The following UNC5CL variants were observed in gnomAD, a reference collection of about 807,000 sequenced individuals.
UNC5CL encodes the protein UNC5C-like protein.
A neutral mutation model predicts 54.1 loss-of-function variants in UNC5CL; 42 were observed. That is an observed-to-expected ratio of 0.78 (90% confidence interval 0.61 to 1.00). The LOEUF (loss-of-function observed/expected upper bound fraction) is 1.00. Among genes scored for constraint, UNC5CL ranks in the 50% least tolerant of loss-of-function variants. The pLI, the probability that UNC5CL is intolerant of heterozygous loss-of-function variation, is 0.00. For synonymous variants in UNC5CL, 285 were observed against 285.1 expected (o/e 1.00, Z 0.00); for missense variants, 619 against 675.6 (o/e 0.92, Z 0.93).
chr6:41,030,750 C>T lies in UNC5CL; in HGVS notation c.1125G>A (p.Leu375=). 6.2e-7 allele frequency: 1 copy of T among 1,614,002 alleles called. No individual in the cohort carries two copies. Among genetic ancestry groups the T allele is most frequent in the African/African-American group, 1.3e-5 (1 of 75,014 alleles). ...TGAGGATTTCCATATACTTGGTCTC[C>T]AAGCCCTGAGTCAACACAGGGCAGG... ...IVTMHTFQDG[L]ETKYMEILRF... The change falls in exon 7 of 9, where the codon TTG becomes TTA. Residue 375 remains leucine (L), a synonymous_variant. Transcript: ENST00000244565.
Position 41,027,343 on chromosome 6 carries a change from A to T in UNC5CL, c.*1030T>A, listed in dbSNP as rs1364502436. On this transcript the variant is annotated 3_prime_UTR_variant, in exon 9 of 9. Transcript: ENST00000244565. ...AAAGAAACACACAAAGACAGGGCAC[A>T]GAGACTAGGCAGAAACAAAAAGATC... 6.6e-6 allele frequency: 1 copy of T among 152,298 alleles called. No homozygotes were observed. The highest frequency in any genetic ancestry group is 1.5e-5 in the Non-Finnish European group (1 of 68,064). 9.4% of individuals were successfully genotyped at this position (152,298 alleles called of 1,614,324 possible).
rs963556657 is a variant in UNC5CL at position 41,034,741 on chromosome 6, C to T, written c.334G>A (p.Gly112Ser). 28 of 1,610,214 alleles carry T rather than the reference C, an allele frequency of 1.7e-5. No homozygotes were observed. The highest frequency in any genetic ancestry group is 2.3e-5 in the Non-Finnish European group (27 of 1,180,006). The change falls in exon 2 of 9, where the codon GGC (glycine) becomes AGC (serine). Residue 112 changes from glycine (G) to serine (S), a missense_variant. Transcript: ENST00000244565. ...GTATCCTGGAGCATCAGGCAACCGC[C>T]GCGGTGATCCACCTCTCGAGCCGAA... ...VFSAREVDHR[G>S]GCLMLQDTGI...
At position 41,029,060 on chromosome 6, in the gene UNC5CL, TC is replaced by T. The variant is rs1762424117; in HGVS notation, c.1335-466del. Among the ~76,000 whole-genome samples the T allele has an allele frequency of 6.6e-6, 1 of 151,922 alleles. No homozygotes were observed. The highest frequency in any genetic ancestry group is 2.4e-5 in the African/African-American group (1 of 41,348). On this transcript the variant is annotated intron_variant, in intron 8 of 8. Transcript: ENST00000244565. This position sits in a 1 kb window ranked among gnomAD's most constrained non-coding sequence, Gnocchi z 4.1. ...ATGGCTTTTTATCACGACTCTCCCGTCCACTAAAACCTTCCAGAGTCTCTCA... is the reference window on the plus strand; with the variant it reads ...ATGGCTTTTTATCACGACTCTCCCGTCACTAAAACCTTCCAGAGTCTCTCA...
At chr6:41,033,220 TGCCACCTGAGGG>T in intron 3 of UNC5CL, 74 bp from the exon 4 acceptor site, 1 of 1,529,874 alleles carries the variant, frequency 6.5e-7, no homozygotes, top group Non-Finnish European at 8.8e-7. Flanking sequence ...ACCAGCCTCC[TGCCACCTGAGGG>T]GCCTCTGTGG....
At chr6:41,032,220 A>G in intron 4 of UNC5CL, 83 bp from the exon 5 acceptor site, 3 of 1,174,170 alleles carry the variant, frequency 2.6e-6, no homozygotes, top group Non-Finnish European at 3.8e-6. Context: ...AGGCATGAGG[A>G]CAGAACAAAG....
In UNC5CL at chr6:41,033,160, C is replaced by A; in HGVS notation, c.687-14G>T. 6.2e-7 allele frequency: 1 copy of A among 1,609,450 alleles called. No homozygotes were observed. The highest frequency in any genetic ancestry group is 1.1e-5 in the South Asian group (1 of 90,564). On this transcript the variant is annotated splice_polypyrimidine_tract_variant and intron_variant, in intron 3 of 8. Coordinates refer to ENST00000244565, the MANE Select transcript of UNC5CL (RefSeq NM_173561.3). ...CAGGTGTAGAGGCTGCAGAGGGAGC[C>A]AGTGGCAGGCACTAATGTGCAGGGA...
chr6:41,032,858 A>G lies in UNC5CL; in HGVS notation c.949+26T>C, dbSNP rs1762471324. The G allele has an allele frequency of 2.6e-6, 4 of 1,567,032 alleles. No individual in the cohort carries two copies. In the South Asian group the frequency reaches 4.7e-5, roughly 19 times the overall value. ...TTCCTGTGGGGCTCCCGATCATCCT[A>G]TCCCACAGGCCACTGCCTCCCTCAC... On this transcript the variant is annotated intron_variant, in intron 4 of 8. Transcript: ENST00000244565.
In UNC5CL at chr6:41,028,926, A is replaced by C; in HGVS notation, c.1335-331T>G. Among the ~76,000 whole-genome samples the C allele has an allele frequency of 1.2e-4, 18 of 145,774 alleles. No individual in the cohort carries two copies. Among genetic ancestry groups the C allele is most frequent in the South Asian group, 4.4e-4 (2 of 4,540 alleles). ...TGTAATTGCCTTCTCTACCTCCCCC[A>C]CTCCAAATACACCCCTAGCCTCCCC... On this transcript the variant is annotated intron_variant, in intron 8 of 8. Coordinates refer to ENST00000244565, the MANE Select transcript of UNC5CL (RefSeq NM_173561.3). The surrounding 1 kb of genome is among the most constrained non-coding windows in gnomAD (Gnocchi z 4.3).
chr6:41,030,605 G>T (rs9369256), intron 7 of UNC5CL, 50 bp downstream of exon 7: 1 of 1,611,080 alleles, frequency 6.2e-7, no homozygotes, highest in South Asian at 1.1e-5. Context: ...GGGTGCCAGG[G>T]TAGGAACCCA....
Position 41,034,038 on chromosome 6 carries a change from A to G in UNC5CL, c.529T>C (p.Cys177Arg). The G allele has an allele frequency of 6.2e-7, 1 of 1,614,184 alleles. No homozygotes were observed. The highest frequency in any genetic ancestry group is 1.1e-5 in the South Asian group (1 of 91,088). Residue 177 changes from cysteine (C) to arginine (R), a missense_variant, in exon 3 of 9, where the codon TGC becomes CGC. By Grantham distance (180) the Cys-to-Arg change is radical (BLOSUM62 -3). Transcript: ENST00000244565. ...GCACAGTGTTTGAACGTGAGAGTGC[A>G]AGGCTTCAGGAAGGAGGCCCCATGG... ...GPHGASFLKP[C>R]TLTFKHCAEQ...
At position 41,032,131 on chromosome 6, in the gene UNC5CL, T is replaced by A; in HGVS notation, c.956A>T (p.Glu319Val). 6.2e-7 allele frequency: 1 copy of A among 1,614,022 alleles called. No individual in the cohort carries two copies. The highest frequency in any genetic ancestry group is 8.5e-7 in the Non-Finnish European group (1 of 1,179,974). The stretch of plus-strand genomic sequence containing the variant: ...CTGGCAACTGCTGTCATCCACATTC[T>A]CCCAACCTGGTGAGTAGGCAGACAG... Reference protein sequence around the residue: ...LKLTYISEGWENVDDSSCQLV... With the variant: ...LKLTYISEGWVNVDDSSCQLV... Residue 319 changes from glutamate to valine, a missense_variant, in exon 5 of 9, where the codon GAG (glutamate) becomes GTG (valine). Glu to Val is a moderately radical substitution (Grantham distance 121, BLOSUM62 -2). Transcript: ENST00000244565.
chr6:41,032,501 A>C (rs945142066), intron 4 of UNC5CL, among the ~76,000 whole-genome samples: 1 of 152,160 alleles, frequency 6.6e-6, no homozygotes. Flanking sequence ...GCTCACACCT[A>C]TAATCCCAAC....
chr6:41,028,204 G>T lies in UNC5CL; in HGVS notation c.*169C>A. On this transcript the variant is annotated 3_prime_UTR_variant, in exon 9 of 9. Transcript: ENST00000244565. The surrounding 1 kb of genome is among the most constrained non-coding windows in gnomAD (Gnocchi z 4.3). ...ACGCGGGACAGCTCGCGGCCGGAAG[G>T]GCGCGCCTGCTGCTGGGAGGCTGGC... The T allele has an allele frequency of 1.4e-6, 1 of 717,696 alleles. No homozygotes were observed. Among genetic ancestry groups the T allele is most frequent in the Non-Finnish European group, 2.2e-6 (1 of 455,314 alleles). The allele number at this position is 717,696 out of a possible 1,614,324, so 44.5% of individuals were successfully genotyped here.
chr6:41,028,681 C>T lies in UNC5CL; in HGVS notation c.1335-86G>A. 7.6e-7 allele frequency: 1 copy of T among 1,308,996 alleles called. No individual in the cohort carries two copies. Among genetic ancestry groups the T allele is most frequent in the South Asian group, 1.3e-5 (1 of 75,456 alleles). 81.1% of individuals were successfully genotyped at this position (1,308,996 alleles called of 1,614,324 possible). ...TGCAGGCTCCCTGGGCTGCGCAGCG[C>T]AAGGTCCGTCCCTTCCCCATCCTGT... On this transcript the variant is annotated intron_variant, in intron 8 of 8. Coordinates refer to ENST00000244565, the MANE Select transcript of UNC5CL (RefSeq NM_173561.3). The surrounding 1 kb of genome is among the most constrained non-coding windows in gnomAD (Gnocchi z 4.3).
intron 1 of UNC5CL, among the ~76,000 whole-genome samples, chr6:41,037,001 G>A (rs1258708412): frequency 1.3e-5 from 2 of 151,666 alleles, no homozygotes; most frequent in Non-Finnish European, 2.9e-5. Flanking sequence ...CCCCACACCT[G>A]CTTAATTCTA....
Position 41,033,871 on chromosome 6 carries a change from A to T in UNC5CL, c.686+10T>A. The T allele has an allele frequency of 6.2e-7, 1 of 1,610,918 alleles. No individual in the cohort carries two copies. The highest frequency in any genetic ancestry group is 8.5e-7 in the Non-Finnish European group (1 of 1,178,192). ...GGGTGTGGGAAGACAGGCCAATGGC[A>T]TGTGCCTACCTGAAGTGGGAGAGGT... On this transcript the variant is annotated intron_variant, in intron 3 of 8. Coordinates refer to ENST00000244565, the MANE Select transcript of UNC5CL (RefSeq NM_173561.3).
At position 41,028,816 on chromosome 6, in the gene UNC5CL, T is replaced by C. The variant is rs1762421077; in HGVS notation, c.1335-221A>G. Among the ~76,000 whole-genome samples, 1 of 152,132 alleles carries C rather than the reference T, an allele frequency of 6.6e-6. No homozygotes were observed. The highest frequency in any genetic ancestry group is 1.5e-5 in the Non-Finnish European group (1 of 68,008). ...TGGCTTGGAGGCCAACTCTGACCCC[T>C]ACTCCTCTCTAGGCTTCAGTTTCCT... On this transcript the variant is annotated intron_variant, in intron 8 of 8. Coordinates refer to ENST00000244565, the MANE Select transcript of UNC5CL (RefSeq NM_173561.3). This position sits in a 1 kb window ranked among gnomAD's most constrained non-coding sequence, Gnocchi z 4.3.
In UNC5CL at chr6:41,034,027, C is replaced by A. The variant is rs374115894; in HGVS notation, c.540G>T (p.Thr180=). Residue 180 remains threonine, a synonymous_variant, in exon 3 of 9, where the codon ACG becomes ACT. Coordinates refer to ENST00000244565, the MANE Select transcript of UNC5CL (RefSeq NM_173561.3). Reference sequence around the variant, plus strand: ...TGGGCTGCTCGGCACAGTGTTTGAACGTGAGAGTGCAAGGCTTCAGGAAGG... The same window carrying A: ...TGGGCTGCTCGGCACAGTGTTTGAAAGTGAGAGTGCAAGGCTTCAGGAAGG... ...GASFLKPCTL[T]FKHCAEQPSH... 1 of 1,614,204 alleles carries A rather than the reference C, an allele frequency of 6.2e-7. No homozygotes were observed. The highest frequency in any genetic ancestry group is 1.3e-5 in the African/African-American group (1 of 75,060).
At position 41,035,045 on chromosome 6, in the gene UNC5CL, G is replaced by A. The variant is rs776262239; in HGVS notation, c.30C>T (p.Pro10=). MCPQESSFQ[P]SQFLLLVGVP... ...CCCCCACCAGCAGTAGGAACTGGGA[G>A]GGTTGGAATGAACTCTCCTGGGGGC... The change falls in exon 2 of 9, where the codon CCC becomes CCT. Residue 10 remains proline, a synonymous_variant. Coordinates refer to ENST00000244565, the MANE Select transcript of UNC5CL (RefSeq NM_173561.3). 25 of 1,587,576 alleles carry A rather than the reference G, an allele frequency of 1.6e-5. No individual in the cohort carries two copies. Among genetic ancestry groups the A allele is most frequent in the Non-Finnish European group, 2.2e-5 (25 of 1,161,884 alleles).
Sources: allele counts gnomAD v4.1 joint callset (sites outside exome capture counted in the v4.1 genomes callset), GRCh38; gene constraint gnomAD v4.1.1; non-coding constraint Gnocchi (gnomAD v3.1); transcripts MANE v1.5; gene names NCBI Gene and HGNC (gene_info 2026-07-23, HGNC 2026-07-21).